Variants in CCDC57 observed in about 807,000 individuals in gnomAD.
The protein encoded by CCDC57 is coiled-coil domain-containing protein 57.
Under a neutral mutation model 118.9 loss-of-function variants are expected in CCDC57, and 118 were observed. The ratio of observed to expected loss-of-function variants is 0.99; its 90% confidence interval spans 0.86 to 1.16. The LOEUF (loss-of-function observed/expected upper bound fraction) is 1.16, where lower values mean the gene tolerates loss of function less well. CCDC57 is among the 50% of genes most tolerant of loss of function. The pLI is 0.00. For synonymous variants in CCDC57, 527 were observed against 532.9 expected (o/e 0.99, Z 0.15); for missense variants, 1,300 against 1,320.7 (o/e 0.98, Z 0.24).
At chr17:82,124,469 C>T (rs1372104487) in intron 19 of CCDC57, among the ~76,000 whole-genome samples, 2 of 152,132 alleles carry the variant, frequency 1.3e-5, no homozygotes, top group East Asian at 3.8e-4. Context: ...CAAACTTTTT[C>T]AAATAGCTAG....
chr17:82,129,461 C>T (rs7221544), intron 17 of CCDC57, among the ~76,000 whole-genome samples: 79,957 of 152,100 alleles, frequency 0.53, 21,837 homozygotes, highest in Non-Finnish European at 0.58. Flanking sequence ...AGCCCTGCCC[C>T]TTCCCAGGCA....
chr17:82,159,574 C>T (rs1365373265), intron 14 of CCDC57, among the ~76,000 whole-genome samples: 1 of 152,122 alleles, frequency 6.6e-6, no homozygotes, highest in Non-Finnish European at 1.5e-5. Flanking sequence ...ATGAGGGTAA[C>T]GCACATGTTA....
At chr17:82,210,441 G>T (rs1052429710) in intron 1 of CCDC57, among the ~76,000 whole-genome samples, 2 of 151,904 alleles carry the variant, frequency 1.3e-5, no homozygotes, top group Non-Finnish European at 2.9e-5. Context: ...GGAGGCCAAG[G>T]CGGGCGGATC....
intron 19 of CCDC57, among the ~76,000 whole-genome samples, chr17:82,107,177 C>T (rs1300070839): frequency 6.6e-6 from 1 of 152,254 alleles, no homozygotes; most frequent in Non-Finnish European, 1.5e-5. Context: ...AAGGCCTCTC[C>T]CCACTCCCTC....
Position 82,194,089 on chromosome 17 carries a change from C to T in CCDC57, c.669G>A (p.Lys223=), listed in dbSNP as rs200154094. 1.3e-4 allele frequency: 211 copies of T among 1,613,960 alleles called. No homozygotes were observed. In the African/African-American group the frequency reaches 1.8e-3, roughly 14 times the overall value. Residue 223 remains lysine (K), a synonymous_variant, in exon 6 of 20, where the codon AAG becomes AAA. Transcript: ENST00000665763. ...CTGCCCTCTGCAGACTCTCTGCAGC[C>T]TTTGCCCCGGCTTCCTTCAGAGCCT...
At chr17:82,101,618 G>C (rs1293635623) in exon 20 of CCDC57, 3 of 1,350,982 alleles carry the variant, frequency 2.2e-6, no homozygotes, top group African/African-American at 3.0e-5. Context: ...ACACGTAGGT[G>C]AAAGCACAGG....
At chr17:82,175,317 G>A (rs2045327916) in intron 11 of CCDC57, among the ~76,000 whole-genome samples, 1 of 152,274 alleles carries the variant, frequency 6.6e-6, no homozygotes, top group Admixed American at 6.5e-5. Flanking sequence ...GAGGGTGCTG[G>A]CTGCCTGGCC....
chr17:82,127,624 C>T (rs1333143840), intron 19 of CCDC57, 68 bp downstream of exon 18: 2 of 1,513,480 alleles, frequency 1.3e-6, no homozygotes, highest in East Asian at 2.5e-5. Flanking sequence ...TCTCCACATG[C>T]CCCTCGGAGA....
chr17:82,103,980 C>T (rs1240202218), intron 19 of CCDC57, among the ~76,000 whole-genome samples: 7 of 152,202 alleles, frequency 4.6e-5, no homozygotes, highest in Non-Finnish European at 1.0e-4. Context: ...AGGGAACTGG[C>T]CATGAGCCCA....
chr17:82,170,193 G>A (rs547596324), intron 13 of CCDC57, among the ~76,000 whole-genome samples: 35 of 152,200 alleles, frequency 2.3e-4, no homozygotes, highest in Admixed American at 3.3e-4. Context: ...CCTAAGGCTG[G>A]GGCCCTGGAC....
intron 19 of CCDC57, chr17:82,126,366 C>T (rs1400109813): frequency 1.0e-6 from 1 of 963,804 alleles, no homozygotes; most frequent in East Asian, 1.1e-4. Context: ...AAAAAAACAC[C>T]ATAATAAACA....
exon 8 of CCDC57, chr17:82,188,247 C>T (rs866591635): frequency 3.8e-6 from 6 of 1,558,542 alleles, no homozygotes; most frequent in Middle Eastern, 1.8e-4. Context: ...TTCTCCTTGG[C>T]GGTGTCAGCC....
intron 11 of CCDC57, among the ~76,000 whole-genome samples, chr17:82,174,133 G>A (rs1397155008): frequency 2.0e-5 from 3 of 152,250 alleles, no homozygotes; most frequent in Non-Finnish European, 4.4e-5. Context: ...CACCCTGAGG[G>A]ACGCAGAGCC....
At chr17:82,178,973 C>G (rs1019001616) in intron 10 of CCDC57, 54 bp downstream of exon 9, 1 of 1,579,668 alleles carries the variant, frequency 6.3e-7, no homozygotes, top group Non-Finnish European at 8.6e-7. Flanking sequence ...TCCTGCCCAG[C>G]CCCACCTCTG....
At chr17:82,127,211 G>A in intron 19 of CCDC57, 2 of 985,442 alleles carry the variant, frequency 2.0e-6, no homozygotes, top group Non-Finnish European at 2.4e-6. Context: ...GGATGCGGCT[G>A]ACACTTGTCT....
At chr17:82,188,129 T>C (rs1335882124) in intron 8 of CCDC57, 90 bp downstream of exon 7, 4 of 1,140,858 alleles carry the variant, frequency 3.5e-6, no homozygotes, top group Admixed American at 6.1e-5. Context: ...CTGGCCCCCT[T>C]TCCTGTGGTC....
chr17:82,121,969 C>T (rs1017317929), intron 19 of CCDC57, among the ~76,000 whole-genome samples: 4 of 152,222 alleles, frequency 2.6e-5, no homozygotes, highest in African/African-American at 9.6e-5. Flanking sequence ...CTCTCAGCCT[C>T]GGTGGACGTG....
chr17:82,107,255 A>C (rs2034918702), intron 19 of CCDC57: 1 of 380,530 alleles, frequency 2.6e-6, no homozygotes, highest in South Asian at 1.9e-5. Context: ...TCTGGATCCC[A>C]GGGTTTTTGG....
chr17:82,135,582 A>G (rs565428684), intron 16 of CCDC57, among the ~76,000 whole-genome samples: 3 of 152,322 alleles, frequency 2.0e-5, no homozygotes, highest in East Asian at 1.9e-4. Context: ...CAAAGATGAC[A>G]CTTGGAAATG....
Sources: gnomAD v4.1 joint callset for allele counts (sites outside exome capture counted in the v4.1 genomes callset) on GRCh38, gnomAD v4.1.1 for gene constraint, MANE v1.5 for transcripts, NCBI Gene and HGNC (gene_info 2026-07-23, HGNC 2026-07-21) for gene names.